Variants in RPH3AL observed in about 807,000 individuals in gnomAD.
RPH3AL encodes the protein rabphilin 3A like (without C2 domains).
RPH3AL carries 38 observed loss-of-function variants against 43.1 expected under a neutral mutation model. The ratio of observed to expected loss-of-function variants is 0.88; its 90% CI spans 0.68 to 1.15. The LOEUF (loss-of-function observed/expected upper bound fraction) is 1.15, where lower values mean the gene tolerates loss of function less well. Ranked by LOEUF, RPH3AL falls within the 50% of genes most tolerant of loss-of-function variation. The pLI is 0.00. For synonymous variants in RPH3AL, 189 were observed against 176.3 expected (o/e 1.07, Z -0.57); for missense variants, 462 against 423.2 (o/e 1.09, Z -0.81).
Position 289,909 on chromosome 17 carries a change from G to A in RPH3AL, c.352-8055C>T, listed in dbSNP as rs1418414635. Among the ~76,000 whole-genome samples, 2 of 152,064 alleles carry A rather than the reference G, an allele frequency of 1.3e-5. No individual in the cohort carries two copies. Among genetic ancestry groups the A allele is most frequent in the South Asian group, 2.1e-4 (1 of 4,824 alleles). ...CAGAATGGGCTCCTGCCTCTTCTCC[G>A]CTGTCAAGGTTGTGATTTTACCCTC... On this transcript the variant is annotated intron_variant, in intron 5 of 9. Transcript: ENST00000331302. The surrounding 1 kb of genome is among the most constrained non-coding windows in gnomAD (Gnocchi z 5.2).
At chr17:327,795 G>A (rs2044652981) in intron 2 of RPH3AL, among the ~76,000 whole-genome samples, 1 of 152,192 alleles carries the variant, frequency 6.6e-6, no homozygotes, top group Non-Finnish European at 1.5e-5. Context: ...GTGACCAGGT[G>A]GATCATGTGG....
At chr17:315,466 C>A (rs2043972524) in intron 5 of RPH3AL, among the ~76,000 whole-genome samples, 1 of 151,990 alleles carries the variant, frequency 6.6e-6, no homozygotes, top group Admixed American at 6.5e-5. Context: ...CCTGTAGTCC[C>A]TGTGCTCCCA....
intron 6 of RPH3AL, among the ~76,000 whole-genome samples, chr17:276,599 C>T (rs1376220016): frequency 6.6e-6 from 1 of 152,182 alleles, no homozygotes; most frequent in African/African-American, 2.4e-5. Context: ...TGCCATATCT[C>T]CCAGGCTGGT....
chr17:241,711 C>CTTTTTCTTTTTTTTTTTTTT (rs2041538548), intron 7 of RPH3AL, among the ~76,000 whole-genome samples: 1 of 92,766 alleles, frequency 1.1e-5, no homozygotes, highest in Non-Finnish European at 2.2e-5. Flanking sequence ...GTTTCTTTTT[C>CTTTTTCTTTTTTTTTTTTTT]TTTTTTTTTC....
intron 1 of RPH3AL, among the ~76,000 whole-genome samples, chr17:343,739 G>A (rs1245438621): frequency 6.6e-6 from 1 of 152,172 alleles, no homozygotes; most frequent in African/African-American, 2.4e-5. Flanking sequence ...CCATCCAGTG[G>A]GTAGAGGCCA....
At chr17:234,737 G>A (rs960121913) in intron 7 of RPH3AL, among the ~76,000 whole-genome samples, 10 of 152,184 alleles carry the variant, frequency 6.6e-5, no homozygotes, top group Non-Finnish European at 1.2e-4. Context: ...CACGTACCGC[G>A]GCTGGTATAT....
chr17:281,667 C>CCCCCCCCCCCCCCCCCCT, intron 6 of RPH3AL, 101 bp downstream of exon 6: 1 of 553,338 alleles, frequency 1.8e-6, no homozygotes. Context: ...GTATCCAGCC[C>CCCCCCCCCCCCCCCCCCT]GCCCAGCCCT....
rs878897844 is a variant in RPH3AL, at chr17:321,527, C to T, written c.78-112G>A. On this transcript the variant is annotated intron_variant, in intron 3 of 9. Coordinates refer to ENST00000331302, the MANE Select transcript of RPH3AL (RefSeq NM_006987.4). ...AACAGTCAGTGGACGGCCCAGGTGC[C>T]GCGTGCCGGGACGACGAGCGCGGGC... 6.5e-5 allele frequency: 81 copies of T among 1,253,438 alleles called. 1 individual carries two copies. The South Asian group carries it at 1.1e-3, about 17-fold the overall frequency. The allele number at this position is 1,253,438 out of a possible 1,614,324, so 77.6% of individuals were successfully genotyped here.
intron 5 of RPH3AL, among the ~76,000 whole-genome samples, chr17:284,430 C>G (rs922472372): frequency 6.6e-6 from 1 of 152,184 alleles, no homozygotes; most frequent in Non-Finnish European, 1.5e-5. Flanking sequence ...CAGGCGGGTC[C>G]CTGGGGACGT....
intron 2 of RPH3AL, among the ~76,000 whole-genome samples, chr17:329,363 C>G (rs1567528121): frequency 2.6e-5 from 4 of 152,130 alleles, no homozygotes; most frequent in Non-Finnish European, 1.5e-5. Flanking sequence ...GTAATCCCAG[C>G]TACTGAGGAG....
intron 5 of RPH3AL, among the ~76,000 whole-genome samples, chr17:308,347 T>C (rs1361369199): frequency 6.6e-6 from 1 of 152,158 alleles, no homozygotes; most frequent in African/African-American, 2.4e-5. Context: ...GCCTTATGCT[T>C]GTGGGGATGT....
Position 328,740 on chromosome 17 carries a change from T to G in RPH3AL, c.-36-1161A>C, listed in dbSNP as rs75632055. ...TGGATTATGATTTACAATGGATTAT[T>G]ATTTACAATGGATTATTATTATTTA... On this transcript the variant is annotated intron_variant, in intron 2 of 9. Coordinates refer to ENST00000331302, the MANE Select transcript of RPH3AL (RefSeq NM_006987.4). The surrounding 1 kb of genome is among the most constrained non-coding windows in gnomAD (Gnocchi z 4.2). Among the ~76,000 whole-genome samples the G allele has an allele frequency of 0.02, 3,007 of 152,282 alleles. 43 individuals are homozygous for G. Among genetic ancestry groups the G allele is most frequent in the Non-Finnish European group, 0.031 (2,127 of 67,976 alleles).
Position 293,397 on chromosome 17 carries a change from C to T in RPH3AL, c.352-11543G>A, listed in dbSNP as rs550964173. 1.7e-3 allele frequency among the ~76,000 whole-genome samples: 263 copies of T among 151,108 alleles called. 1 individual carries two copies. Among genetic ancestry groups the T allele is most frequent in the African/African-American group, 5.9e-3 (245 of 41,322 alleles). The stretch of plus-strand genomic sequence containing the variant: ...CGGGGCTTCGGATCATTTCTGCACT[C>T]GTGCCTCTGCGAGTGTCAGTCTCAG... On this transcript the variant is annotated intron_variant, in intron 5 of 9. Coordinates refer to ENST00000331302, the MANE Select transcript of RPH3AL (RefSeq NM_006987.4).
rs138677625 is a variant in RPH3AL, at chr17:283,922, G to A, written c.352-2068C>T. ...ATGAGGTGGGCTCCAGAACCACAACGTGGGCCTCTCCTCTCTGGGTAAAGG... is the reference window on the plus strand; with the variant it reads ...ATGAGGTGGGCTCCAGAACCACAACATGGGCCTCTCCTCTCTGGGTAAAGG... On this transcript the variant is annotated intron_variant, in intron 5 of 9. Coordinates refer to ENST00000331302, the MANE Select transcript of RPH3AL (RefSeq NM_006987.4). This position sits in a 1 kb window ranked among gnomAD's most constrained non-coding sequence, Gnocchi z 4.2. Among the ~76,000 whole-genome samples, 160 of 152,282 alleles carry A rather than the reference G, an allele frequency of 1.1e-3. 1 individual carries two copies. The East Asian group carries it at 0.025, about 24-fold the overall frequency.
At chr17:234,530 T>C (rs144681559) in intron 7 of RPH3AL, 2,041 of 157,040 alleles carry the variant, frequency 0.013, 42 homozygotes, top group African/African-American at 0.046. Flanking sequence ...TTTTAAGCAG[T>C]AGGCCAGATT....
chr17:213,750 C>G lies in RPH3AL; in HGVS notation c.*102G>C. 1 of 938,570 alleles carries G rather than the reference C, an allele frequency of 1.1e-6. No homozygotes were observed. Among genetic ancestry groups the G allele is most frequent in the Non-Finnish European group, 1.7e-6 (1 of 591,478 alleles). The allele number at this position is 938,570 out of a possible 1,614,324, so 58.1% of individuals were successfully genotyped here. On this transcript the variant is annotated 3_prime_UTR_variant, in exon 10 of 10. Transcript: ENST00000331302. ...CAACACTGGTTTGTTGAGTCATGGC[C>G]AACAGGGTGTCTGGTGAGGGCACAA...
intron 5 of RPH3AL, among the ~76,000 whole-genome samples, chr17:317,865 A>G (rs1246722833): frequency 6.6e-6 from 1 of 151,630 alleles, no homozygotes; most frequent in African/African-American, 2.4e-5. Flanking sequence ...ATTTCTTTTG[A>G]CTTCTCCATC....
intron 5 of RPH3AL, among the ~76,000 whole-genome samples, chr17:285,020 C>T (rs2042872567): frequency 6.6e-6 from 1 of 152,212 alleles, no homozygotes. Context: ...GCCCCCATCT[C>T]CAAATATCAC....
chr17:240,379 G>A (rs536087285), intron 7 of RPH3AL, among the ~76,000 whole-genome samples: 7 of 152,066 alleles, frequency 4.6e-5, no homozygotes, highest in Non-Finnish European at 7.4e-5. Context: ...ATACGTTTAC[G>A]TAACCACCAC....
Sources: gnomAD v4.1 joint callset for allele counts (sites outside exome capture counted in the v4.1 genomes callset) on GRCh38, gnomAD v4.1.1 for gene constraint, Gnocchi (gnomAD v3.1) non-coding constraint, MANE v1.5 for transcripts, NCBI Gene and HGNC (gene_info 2026-07-23, HGNC 2026-07-21) for gene names.